DZIP3: variants seen among roughly 807,000 people sequenced by gnomAD.
The protein encoded by DZIP3 is E3 ubiquitin-protein ligase DZIP3.
A neutral mutation model predicts 162.0 loss-of-function variants in DZIP3; 118 were observed. The ratio of observed to expected loss-of-function variants is 0.73; its 90% confidence interval spans 0.63 to 0.85. The LOEUF (loss-of-function observed/expected upper bound fraction) is 0.85, where lower values mean the gene tolerates loss of function less well. Ranked by LOEUF, DZIP3 falls within the 40% of genes least tolerant of loss-of-function variation. The probability of loss-of-function intolerance (pLI) is 0.00; values close to 1 mark genes in which losing one functional copy is unlikely to be tolerated. For synonymous variants in DZIP3, 438 were observed against 458.6 expected (o/e 0.96, Z 0.57); for missense variants, 1,331 against 1,407.0 (o/e 0.95, Z 0.86).
chr3:108,622,836 GTC>G (rs368466391), intron 5 of DZIP3, among the ~76,000 whole-genome samples: 3,595 of 62,570 alleles, frequency 0.057, 160 homozygotes, highest in Non-Finnish European at 0.082. Flanking sequence ...AACAAACAGA[GTC>G]TCTCTCTCTC....
At chr3:108,639,048 A>G (rs988121564) in intron 12 of DZIP3, among the ~76,000 whole-genome samples, 1 of 152,218 alleles carries the variant, frequency 6.6e-6, no homozygotes, top group African/African-American at 2.4e-5. Flanking sequence ...CTAGTTTACT[A>G]TTTGACCTTC....
At chr3:108,641,511 A>G (rs536493316) in intron 12 of DZIP3, among the ~76,000 whole-genome samples, 1 of 152,290 alleles carries the variant, frequency 6.6e-6, no homozygotes, top group South Asian at 2.1e-4. Context: ...ACTCTTGTAC[A>G]TGTCGCTAGG....
At chr3:108,689,846 T>C (rs1205934002) in intron 31 of DZIP3, among the ~76,000 whole-genome samples, 2 of 152,166 alleles carry the variant, frequency 1.3e-5, no homozygotes, top group African/African-American at 2.4e-5. Context: ...CAGGAAAAGG[T>C]AGTCATAGTA....
At chr3:108,623,364 G>A (rs1941454268) in intron 5 of DZIP3, among the ~76,000 whole-genome samples, 1 of 152,216 alleles carries the variant, frequency 6.6e-6, no homozygotes, top group Non-Finnish European at 1.5e-5. Flanking sequence ...CAGGGCCCAA[G>A]GGCTCTTTAG....
intron 12 of DZIP3, among the ~76,000 whole-genome samples, chr3:108,639,654 C>T (rs1942299737): frequency 6.6e-6 from 1 of 151,042 alleles, no homozygotes; most frequent in Admixed American, 6.6e-5. Context: ...TTTCTCATTC[C>T]TAATGTTGGC....
At chr3:108,631,055 A>ACACACACACACACACACACACACCCT in intron 8 of DZIP3, among the ~76,000 whole-genome samples, 1 of 18,006 alleles carries the variant, frequency 5.6e-5, no homozygotes, top group Non-Finnish European at 9.0e-5. Context: ...ACACACACAC[A>ACACACACACACACACACACACACCCT]CTCTCTCTCT....
At chr3:108,646,461 T>G (rs1942625565) in intron 14 of DZIP3, among the ~76,000 whole-genome samples, 156 bp from the exon 15 acceptor site, 1 of 152,222 alleles carries the variant, frequency 6.6e-6, no homozygotes, top group South Asian at 2.1e-4. Context: ...AGATTGTGCC[T>G]TGTCTAAACT....
At chr3:108,599,416 T>A (rs188463907) in intron 1 of DZIP3, among the ~76,000 whole-genome samples, 22 of 152,302 alleles carry the variant, frequency 1.4e-4, no homozygotes. Flanking sequence ...AATGGAGAAA[T>A]TAACAGTAAA....
chr3:108,642,491 T>G lies in DZIP3; in HGVS notation c.1118T>G (p.Ile373Ser). The change falls in exon 13 of 33, where the codon ATC becomes AGC. Residue 373 changes from isoleucine (I) to serine (S), a missense_variant. Coordinates refer to ENST00000361582, the MANE Select transcript of DZIP3 (RefSeq NM_014648.4). ...ACTGATACTGATATAAGACCGAAGATCAGTTTAAAATTTAATACAAAAGGT... is the reference window on the plus strand; with the variant it reads ...ACTGATACTGATATAAGACCGAAGAGCAGTTTAAAATTTAATACAAAAGGT... ...KITDTDIRPK[I>S]SLKFNTKDEM... 1 of 1,482,140 alleles carries G rather than the reference T, an allele frequency of 6.7e-7. No homozygotes were observed. The allele number at this position is 1,482,140 out of a possible 1,614,324, so 91.8% of individuals were successfully genotyped here.
chr3:108,654,743 CA>C (rs1210521323), intron 19 of DZIP3, among the ~76,000 whole-genome samples: 4 of 151,542 alleles, frequency 2.6e-5, no homozygotes, highest in African/African-American at 4.9e-5. Context: ...GATGTATAAT[CA>C]TTTTTTTTTC....
At chr3:108,670,210 TCA>T (rs1943876488) in intron 22 of DZIP3, among the ~76,000 whole-genome samples, 2 of 151,964 alleles carry the variant, frequency 1.3e-5, no homozygotes, top group South Asian at 4.1e-4. Flanking sequence ...TTTAGAATAT[TCA>T]CAGAGGTTTA....
At chr3:108,633,143 TAAAA>T in intron 9 of DZIP3, 71 bp downstream of exon 9, 1 of 686,472 alleles carries the variant, frequency 1.5e-6, no homozygotes, top group Non-Finnish European at 1.9e-6. Flanking sequence ...TATAAAATAA[TAAAA>T]ATTATATTAT....
At chr3:108,609,865 T>G (rs1465196919) in intron 3 of DZIP3, among the ~76,000 whole-genome samples, 1 of 152,192 alleles carries the variant, frequency 6.6e-6, no homozygotes, top group Non-Finnish European at 1.5e-5. Context: ...TATTTCCTGT[T>G]GAAAAATTTT....
intron 25 of DZIP3, among the ~76,000 whole-genome samples, chr3:108,676,680 G>A (rs1213150558): frequency 6.6e-6 from 1 of 151,240 alleles, no homozygotes; most frequent in Non-Finnish European, 1.5e-5. Flanking sequence ...AACTCCCTTG[G>A]GGGTTTTCAC....
chr3:108,674,334 T>C (rs866908842), intron 24 of DZIP3, among the ~76,000 whole-genome samples, 153 bp downstream of exon 24: 1 of 151,920 alleles, frequency 6.6e-6, no homozygotes, highest in African/African-American at 2.4e-5. Context: ...TTCATTTTTT[T>C]CCCCCTGAAA....
At chr3:108,654,106 C>G (rs1162386959) in intron 18 of DZIP3, 39 bp from the exon 19 acceptor site, 1 of 1,596,384 alleles carries the variant, frequency 6.3e-7, no homozygotes, top group Non-Finnish European at 8.5e-7. Context: ...AATTACTATA[C>G]AATTGTAAAA....
chr3:108,649,024 C>A, intron 17 of DZIP3, 62 bp downstream of exon 17: 2 of 965,808 alleles, frequency 2.1e-6, no homozygotes, highest in South Asian at 1.7e-5. Context: ...TACATGAATT[C>A]ATTGTTAGAA....
chr3:108,622,880 C>CTCTCTCTCTCTCTCTCTCTCTCTCTG lies in DZIP3; in HGVS notation c.376-1563_376-1562insCTCTCTCTCTCTCTCTCTCTCTCTGT, dbSNP rs796232998. Among the ~76,000 whole-genome samples the CTCTCTCTCTCTCTCTCTCTCTCTCTG allele has an allele frequency of 9.4e-5, 5 of 53,096 alleles. No individual in the cohort carries two copies. In the East Asian group the frequency reaches 1.5e-3, roughly 16 times the overall value. 34.8% of individuals were successfully genotyped at this position (53,096 alleles called of 152,430 possible). On this transcript the variant is annotated intron_variant, in intron 5 of 32. Coordinates refer to ENST00000361582, the MANE Select transcript of DZIP3 (RefSeq NM_014648.4). ...TCTCTCTCTCTCTCTCTCTCTCTCT[C>CTCTCTCTCTCTCTCTCTCTCTCTCTG]TGTGTGTGTGTGTGTGTATGGAGCT...
At position 108,625,858 on chromosome 3, in the gene DZIP3, C is replaced by A. The variant is rs902644759; in HGVS notation, c.470C>A (p.Ala157Asp). ...ERGKKEDYTE[A>D]ENKFLVMKMM... ...ATGTTACTACAGGATTATACAGAAG[C>A]TGAGAATAAATTTCTGGTGATGAAG... is the stretch of plus-strand genomic sequence containing the variant. The change falls in exon 7 of 33, where the codon GCT becomes GAT. Residue 157 changes from alanine to aspartate, a missense_variant. This residue lies in a region of DZIP3 where 1,278 missense variants were observed against 1,317.1 expected (regional missense o/e 0.97). Coordinates refer to ENST00000361582, the MANE Select transcript of DZIP3 (RefSeq NM_014648.4). The A allele has an allele frequency of 1.2e-6, 2 of 1,610,976 alleles. No homozygotes were observed. Among genetic ancestry groups the A allele is most frequent in the African/African-American group, 2.7e-5 (2 of 74,572 alleles).
Sources: allele counts gnomAD v4.1 joint callset (sites outside exome capture counted in the v4.1 genomes callset), GRCh38; gene constraint gnomAD v4.1.1; regional missense constraint gnomAD v4.1.1; transcripts MANE v1.5; gene names NCBI Gene and HGNC (gene_info 2026-07-23, HGNC 2026-07-21).